The following SOX4 variants were observed in gnomAD, a reference collection of about 807,000 sequenced individuals.
SOX4 encodes SRY-box transcription factor 4.
For synonymous variants in SOX4, 465 were observed against 348.4 expected (o/e 1.33, Z -3.73); for missense variants, 662 against 694.9 (o/e 0.95, Z 0.53).
In SOX4 at chr6:21,597,480, TATTTC is replaced by T. The variant is rs1327054726; in HGVS notation, c.*1522_*1526del. 6.1e-6 allele frequency: 1 copy of T among 163,372 alleles called. No homozygotes were observed. The highest frequency in any genetic ancestry group is 1.9e-4 in the East Asian group (1 of 5,156). 10.1% of individuals were successfully genotyped at this position (163,372 alleles called of 1,614,324 possible). ...TTCTTTCCTTTCTTTTTACTTCCTT[TATTTC>T]TTTATTCCTTCCTTTTCCTTTTTTT... On this transcript the variant is annotated 3_prime_UTR_variant, in exon 1 of 1. Transcript: ENST00000244745.
chr6:21,594,125 GA>G lies in SOX4; in HGVS notation c.-394del, dbSNP rs878911166. On this transcript the variant is annotated 5_prime_UTR_variant, in exon 1 of 1. Transcript: ENST00000244745. ...TGGAATCAACTGCTTCAGGGAAAAA[GA>G]AAAAAAAAAAAAAAAGACTTGCCTG... is the stretch of plus-strand genomic sequence containing the variant. The G allele has an allele frequency of 0.057, 4,849 of 85,104 alleles. 118 individuals are homozygous for G. The highest frequency in any genetic ancestry group is 0.14 in the African/African-American group (3,231 of 23,310). The allele number at this position is 85,104 out of a possible 1,614,324, so 5.3% of individuals were successfully genotyped here. A position where few individuals can be genotyped will look rare whatever the true frequency, so the allele number is the denominator to read the frequency against.
In SOX4 at chr6:21,595,810, T is replaced by G; in HGVS notation, c.1276T>G (p.Ser426Ala). ...GTCCCTGGGCAGCTTCAGTTCGTCG[T>G]CGGCGCTCGACCGGGACCTGGATTT... Reference protein sequence around the residue: ...SMSLGSFSSSSALDRDLDFNF... With the variant: ...SMSLGSFSSSAALDRDLDFNF... Residue 426 changes from serine to alanine, a missense_variant, in exon 1 of 1, where the codon TCG becomes GCG. Physicochemically the swap from Ser to Ala is moderately conservative, Grantham distance 99. Transcript: ENST00000244745. The G allele has an allele frequency of 6.2e-7, 1 of 1,613,544 alleles. No homozygotes were observed. Among genetic ancestry groups the G allele is most frequent in the South Asian group, 1.1e-5 (1 of 91,052 alleles).
chr6:21,595,256 A>C lies in SOX4; in HGVS notation c.722A>C (p.Gln241Pro). 1 of 1,255,898 alleles carries C rather than the reference A, an allele frequency of 8.0e-7. No individual in the cohort carries two copies. 77.8% of individuals were successfully genotyped at this position (1,255,898 alleles called of 1,614,324 possible). The change falls in exon 1 of 1, where the codon CAG becomes CCG. Residue 241 changes from glutamine to proline, a missense_variant. By Grantham distance (76) the Gln-to-Pro change is moderately conservative. Coordinates refer to ENST00000244745, the MANE Select transcript of SOX4 (RefSeq NM_003107.3). ...GCCGCCGCCTCCTTCGCCGCCGAAC[A>C]GGCGGGGGCCGCCGCCCTGCTGCCC... ...AAAAASFAAE[Q>P]AGAAALLPLG...
At position 21,594,269 on chromosome 6, in the gene SOX4, G is replaced by A. The variant is rs541593107; in HGVS notation, c.-266G>A. 3.3e-5 allele frequency: 12 copies of A among 367,564 alleles called. No homozygotes were observed. Among genetic ancestry groups the A allele is most frequent in the Non-Finnish European group, 5.2e-5 (11 of 209,800 alleles). The allele number at this position is 367,564 out of a possible 1,614,324, so 22.8% of individuals were successfully genotyped here. ...GACAGCAAACTGCAGCGCGGTGAGA[G>A]AGCGAGAGAGAGGGAGAGAGAGACT... On this transcript the variant is annotated 5_prime_UTR_variant, in exon 1 of 1. Transcript: ENST00000244745.
rs909397769 is a variant in SOX4 at position 21,597,138 on chromosome 6, A to T, written c.*1179A>T. 6.0e-6 allele frequency: 1 copy of T among 166,390 alleles called. No individual in the cohort carries two copies. Among genetic ancestry groups the T allele is most frequent in the Non-Finnish European group, 1.5e-5 (1 of 68,100 alleles). 10.3% of individuals were successfully genotyped at this position (166,390 alleles called of 1,614,324 possible). A position where few individuals can be genotyped will look rare whatever the true frequency, so the allele number is the denominator to read the frequency against. On this transcript the variant is annotated 3_prime_UTR_variant, in exon 1 of 1. Coordinates refer to ENST00000244745, the MANE Select transcript of SOX4 (RefSeq NM_003107.3). ...TGAGCAGTTTTTAAAATAGTGTAGGATAATATAAAAAGCAGATAGATGGCG... is the reference window on the plus strand; with the variant it reads ...TGAGCAGTTTTTAAAATAGTGTAGGTTAATATAAAAAGCAGATAGATGGCG...
chr6:21,596,105 T>C lies in SOX4; in HGVS notation c.*146T>C. ...GTAAGCAGGGCTGGCTTCGCCCGCGTTCTCGTCGTCGGATCAAGGAGCGCG... is the reference window on the plus strand; with the variant it reads ...GTAAGCAGGGCTGGCTTCGCCCGCGCTCTCGTCGTCGGATCAAGGAGCGCG... On this transcript the variant is annotated 3_prime_UTR_variant, in exon 1 of 1. Transcript: ENST00000244745. 2.3e-6 allele frequency: 3 copies of C among 1,308,448 alleles called. No individual in the cohort carries two copies. Among genetic ancestry groups the C allele is most frequent in the Non-Finnish European group, 3.0e-6 (3 of 1,007,260 alleles). The allele number at this position is 1,308,448 out of a possible 1,614,324, so 81.1% of individuals were successfully genotyped here.
At position 21,594,591 on chromosome 6, in the gene SOX4, C is replaced by T. The variant is rs768742614; in HGVS notation, c.57C>T (p.Ser19=). Residue 19 remains serine (S), a synonymous_variant, in exon 1 of 1, where the codon AGC becomes AGT. Transcript: ENST00000244745. The part of the protein sequence containing the change: ...ENTEALLAGE[S]SDSGAGLELG... Reference sequence around the variant, plus strand: ...CGGAAGCGCTGCTGGCCGGCGAGAGCTCGGACTCGGGCGCCGGCCTCGAGC... The same window carrying T: ...CGGAAGCGCTGCTGGCCGGCGAGAGTTCGGACTCGGGCGCCGGCCTCGAGC... 1.9e-6 allele frequency: 3 copies of T among 1,609,132 alleles called. No homozygotes were observed. Among genetic ancestry groups the T allele is most frequent in the African/African-American group, 1.3e-5 (1 of 74,992 alleles).
chr6:21,595,930 A>C lies in SOX4; in HGVS notation c.1396A>C (p.Ser466Arg). ...EMISGDWLES[S>R]ISNLVFTY ...GATCTCGGGAGACTGGCTCGAGTCC[A>C]GCATCTCCAACCTGGTTTTCACCTA... The change falls in exon 1 of 1, where the codon AGC (serine) becomes CGC (arginine). Residue 466 changes from serine to arginine, a missense_variant. Transcript: ENST00000244745. 1 of 1,575,940 alleles carries C rather than the reference A, an allele frequency of 6.3e-7. No homozygotes were observed. Among genetic ancestry groups the C allele is most frequent in the African/African-American group, 1.4e-5 (1 of 73,738 alleles).
At position 21,593,770 on chromosome 6, in the gene SOX4, G is replaced by C. The variant is rs1457331836; in HGVS notation, c.-765G>C. 1.3e-5 allele frequency: 2 copies of C among 152,270 alleles called. No homozygotes were observed. Among genetic ancestry groups the C allele is most frequent in the Non-Finnish European group, 2.9e-5 (2 of 68,088 alleles). The allele number at this position is 152,270 out of a possible 1,614,324, so 9.4% of individuals were successfully genotyped here. A position where few individuals can be genotyped will look rare whatever the true frequency, so the allele number is the denominator to read the frequency against. ...GGGTCTGCTCTAAGCTGCAGCAAGA[G>C]AAACTGTGTGTGAGGGGAAGAGGCC... On this transcript the variant is annotated 5_prime_UTR_variant, in exon 1 of 1. Transcript: ENST00000244745.
Position 21,595,872 on chromosome 6 carries a change from C to T in SOX4, c.1338C>T (p.Phe446=). Reference sequence around the variant, plus strand: ...CCGGCTCCGGCTCGCACTTCGAGTTCCCGGACTACTGCACGCCCGAGGTGA... The same window carrying T: ...CCGGCTCCGGCTCGCACTTCGAGTTTCCGGACTACTGCACGCCCGAGGTGA... ...FEPGSGSHFE[F]PDYCTPEVSE... is the part of the protein sequence containing the mutation. The change falls in exon 1 of 1, where the codon TTC becomes TTT. Residue 446 remains phenylalanine, a synonymous_variant. Coordinates refer to ENST00000244745, the MANE Select transcript of SOX4 (RefSeq NM_003107.3). 3 of 1,609,942 alleles carry T rather than the reference C, an allele frequency of 1.9e-6. No homozygotes were observed. The highest frequency in any genetic ancestry group is 2.5e-6 in the Non-Finnish European group (3 of 1,178,538).
Position 21,594,492 on chromosome 6 carries a change from C to T in SOX4, c.-43C>T, listed in dbSNP as rs768739352. 3 of 1,386,724 alleles carry T rather than the reference C, an allele frequency of 2.2e-6. No homozygotes were observed. In the East Asian group the frequency reaches 8.9e-5, roughly 41 times the overall value. The allele number at this position is 1,386,724 out of a possible 1,614,324, so 85.9% of individuals were successfully genotyped here. A position where few individuals can be genotyped will look rare whatever the true frequency, so the allele number is the denominator to read the frequency against. On this transcript the variant is annotated 5_prime_UTR_variant, in exon 1 of 1. Coordinates refer to ENST00000244745, the MANE Select transcript of SOX4 (RefSeq NM_003107.3). ...GGCCCGGCGATCGCGCGGCGGCCGC[C>T]GCGAGGGTGTGAGCGCGCGTGGGCG...
At position 21,595,875 on chromosome 6, in the gene SOX4, G is replaced by A. The variant is rs762452878; in HGVS notation, c.1341G>A (p.Pro447=). 11 of 1,608,974 alleles carry A rather than the reference G, an allele frequency of 6.8e-6. No individual in the cohort carries two copies. Among genetic ancestry groups the A allele is most frequent in the African/African-American group, 1.3e-5 (1 of 74,746 alleles). The change falls in exon 1 of 1, where the codon CCG becomes CCA. Residue 447 remains proline (P), a synonymous_variant. Coordinates refer to ENST00000244745, the MANE Select transcript of SOX4 (RefSeq NM_003107.3). ...GCTCCGGCTCGCACTTCGAGTTCCCGGACTACTGCACGCCCGAGGTGAGCG... is the reference window on the plus strand; with the variant it reads ...GCTCCGGCTCGCACTTCGAGTTCCCAGACTACTGCACGCCCGAGGTGAGCG... ...EPGSGSHFEF[P]DYCTPEVSEM...
rs79753782 is a variant in SOX4 at position 21,593,970 on chromosome 6, C to A, written c.-565C>A. The A allele has an allele frequency of 0.047, 7,181 of 152,052 alleles. 441 individuals carry two copies. Among genetic ancestry groups the A allele is most frequent in the African/African-American group, 0.14 (5,833 of 41,424 alleles). The allele number at this position is 152,052 out of a possible 1,614,324, so 9.4% of individuals were successfully genotyped here. On this transcript the variant is annotated 5_prime_UTR_variant, in exon 1 of 1. Transcript: ENST00000244745. Reference sequence around the variant, plus strand: ...CTACCTTGCAACAAAATAATTGCACCAACTCCTTAGTGCCGATTCCGCCCA... The same window carrying A: ...CTACCTTGCAACAAAATAATTGCACAAACTCCTTAGTGCCGATTCCGCCCA...
Position 21,594,849 on chromosome 6 carries a change from G to A in SOX4, c.315G>A (p.Lys105=). 6.2e-7 allele frequency: 1 copy of A among 1,611,960 alleles called. No individual in the cohort carries two copies. Among genetic ancestry groups the A allele is most frequent in the Non-Finnish European group, 8.5e-7 (1 of 1,179,202 alleles). ...GGAAGCTGCTCAAAGACAGCGACAA[G>A]ATCCCTTTCATTCGAGAGGCGGAGC... ...KRWKLLKDSD[K]IPFIREAERL... is the part of the protein sequence containing the mutation. The change falls in exon 1 of 1, where the codon AAG becomes AAA. Residue 105 remains lysine, a synonymous_variant. Coordinates refer to ENST00000244745, the MANE Select transcript of SOX4 (RefSeq NM_003107.3).
In SOX4 at chr6:21,595,991, G is replaced by C. The variant is rs760527295; in HGVS notation, c.*32G>C. 2.7e-6 allele frequency: 4 copies of C among 1,464,286 alleles called. No homozygotes were observed. Among genetic ancestry groups the C allele is most frequent in the Non-Finnish European group, 3.6e-6 (4 of 1,106,878 alleles). 90.7% of individuals were successfully genotyped at this position (1,464,286 alleles called of 1,614,324 possible). A position where few individuals can be genotyped will look rare whatever the true frequency, so the allele number is the denominator to read the frequency against. ...CGCAGGCAGGGAGAAGGGCCGGGGGGGGTAGGAGAGGAGAAAAAAAAAGTG... is the reference window on the plus strand; with the variant it reads ...CGCAGGCAGGGAGAAGGGCCGGGGGCGGTAGGAGAGGAGAAAAAAAAAGTG... On this transcript the variant is annotated 3_prime_UTR_variant, in exon 1 of 1. Coordinates refer to ENST00000244745, the MANE Select transcript of SOX4 (RefSeq NM_003107.3).
chr6:21,597,216 T>G lies in SOX4; in HGVS notation c.*1257T>G, dbSNP rs1296935508. 1.2e-5 allele frequency: 2 copies of G among 166,826 alleles called. No individual in the cohort carries two copies. The highest frequency in any genetic ancestry group is 2.9e-5 in the Non-Finnish European group (2 of 68,102). 10.3% of individuals were successfully genotyped at this position (166,826 alleles called of 1,614,324 possible). On this transcript the variant is annotated 3_prime_UTR_variant, in exon 1 of 1. Transcript: ENST00000244745. The stretch of plus-strand genomic sequence containing the variant: ...TCACCAGCTTTTTTTCATTCTTAAC[T>G]CTTTAAAGGATTCAAACGCAACTCA...
At position 21,593,969 on chromosome 6, in the gene SOX4, C is replaced by T. The variant is rs1416653890; in HGVS notation, c.-566C>T. On this transcript the variant is annotated 5_prime_UTR_variant, in exon 1 of 1. Transcript: ENST00000244745. ...CCTACCTTGCAACAAAATAATTGCA[C>T]CAACTCCTTAGTGCCGATTCCGCCC... 1 of 152,090 alleles carries T rather than the reference C, an allele frequency of 6.6e-6. No individual in the cohort carries two copies. Among genetic ancestry groups the T allele is most frequent in the African/African-American group, 2.4e-5 (1 of 41,394 alleles). 9.4% of individuals were successfully genotyped at this position (152,090 alleles called of 1,614,324 possible). A position where few individuals can be genotyped will look rare whatever the true frequency, so the allele number is the denominator to read the frequency against.
At position 21,594,128 on chromosome 6, in the gene SOX4, A is replaced by G. The variant is rs76104335; in HGVS notation, c.-407A>G. The G allele has an allele frequency of 6.2e-6, 1 of 162,226 alleles. No homozygotes were observed. The highest frequency in any genetic ancestry group is 2.4e-5 in the African/African-American group (1 of 41,718). 10.0% of individuals were successfully genotyped at this position (162,226 alleles called of 1,614,324 possible). On this transcript the variant is annotated 5_prime_UTR_variant, in exon 1 of 1. Transcript: ENST00000244745. ...AATCAACTGCTTCAGGGAAAAAGAA[A>G]AAAAAAAAAAAAAGACTTGCCTGGG...
In SOX4 at chr6:21,597,481, A is replaced by G. The variant is rs1352455381; in HGVS notation, c.*1522A>G. Reference sequence around the variant, plus strand: ...TCTTTCCTTTCTTTTTACTTCCTTTATTTCTTTATTCCTTCCTTTTCCTTT... The same window carrying G: ...TCTTTCCTTTCTTTTTACTTCCTTTGTTTCTTTATTCCTTCCTTTTCCTTT... On this transcript the variant is annotated 3_prime_UTR_variant, in exon 1 of 1. Transcript: ENST00000244745. The G allele has an allele frequency of 1.2e-5, 1 of 81,202 alleles. No individual in the cohort carries two copies. The highest frequency in any genetic ancestry group is 4.3e-4 in the South Asian group (1 of 2,310). 5.0% of individuals were successfully genotyped at this position (81,202 alleles called of 1,614,324 possible).
Sources: gnomAD v4.1 joint callset for allele counts on GRCh38, gnomAD v4.1.1 for gene constraint, MANE v1.5 for transcripts, NCBI Gene and HGNC (gene_info 2026-07-23, HGNC 2026-07-21) for gene names.